The following CEP63 variants were observed in gnomAD, a reference collection of about 807,000 sequenced individuals.
CEP63 encodes the protein centrosomal protein of 63 kDa.
Under a neutral mutation model 89.1 loss-of-function variants are expected in CEP63, and 84 were observed. That is an observed-to-expected ratio of 0.94 (90% CI 0.79 to 1.13). The LOEUF (loss-of-function observed/expected upper bound fraction) is 1.13. Among genes scored for constraint, CEP63 ranks in the 50% most tolerant of loss-of-function variants. CEP63 has a pLI of 0.00. For missense variants in CEP63, 838 were observed against 813.3 expected, an observed-to-expected ratio of 1.03 and a Z score of -0.37; for synonymous variants, 267 against 272.5, an observed-to-expected ratio of 0.98 and a Z score of 0.20.
At chr3:134,507,368 G>T in intron 3 of CEP63, 82 bp downstream of exon 3, 1 of 1,078,392 alleles carries the variant, frequency 9.3e-7, no homozygotes, top group Non-Finnish European at 1.4e-6. Flanking sequence ...ATTTGTTGAA[G>T]AAAGAATTTG....
chr3:134,727,295 T>C, the CEP63 span, among the ~76,000 whole-genome samples: 1 of 152,154 alleles, frequency 6.6e-6, no homozygotes, highest in African/African-American at 2.4e-5. Context: ...TGAAGATGAA[T>C]TAAGATTTAA....
downstream of CEP63, among the ~76,000 whole-genome samples, chr3:134,587,948 T>C (rs576636079): frequency 6.6e-6 from 1 of 152,228 alleles, no homozygotes; most frequent in African/African-American, 2.4e-5. Context: ...AATGGACATA[T>C]GAAGAAGATT....
At chr3:134,497,232 ATTG>A (rs1940408624) in intron 2 of CEP63, among the ~76,000 whole-genome samples, 2 of 152,078 alleles carry the variant, frequency 1.3e-5, no homozygotes, top group East Asian at 1.9e-4. Context: ...CTTTGACTCT[ATTG>A]TTTCCTTTGC....
chr3:134,649,959 C>A, the CEP63 span, among the ~76,000 whole-genome samples: 1 of 152,214 alleles, frequency 6.6e-6, no homozygotes, highest in Non-Finnish European at 1.5e-5. Context: ...TCCTAAAGAA[C>A]TGGCCCGCAG....
At chr3:134,569,594 G>T (rs1957934107), downstream of CEP63, among the ~76,000 whole-genome samples, 1 of 152,314 alleles carries the variant, frequency 6.6e-6, no homozygotes, top group Admixed American at 6.5e-5. Context: ...CTGTGGCTTT[G>T]CATGGTACAG....
At chr3:134,555,396 C>T (rs1445511026) in intron 12 of CEP63, among the ~76,000 whole-genome samples, 1 of 151,626 alleles carries the variant, frequency 6.6e-6, no homozygotes, top group Non-Finnish European at 1.5e-5. Flanking sequence ...CCCAAAATCT[C>T]CTTAAGCTGA....
At chr3:134,575,134 TCATCCCTCCGTCCCTCCCTCCGTCCC>T, downstream of CEP63, 1 of 285,312 alleles carries the variant, frequency 3.5e-6, no homozygotes, top group African/African-American at 2.2e-5. Flanking sequence ...CTTCCTTCCT[TCATCCCTCCGTCCCTCCCTCCGTCCC>T]CCTTCCCCTC....
chr3:134,555,127 A>C (rs1359376279), intron 12 of CEP63, among the ~76,000 whole-genome samples: 4 of 151,334 alleles, frequency 2.6e-5, no homozygotes, highest in Non-Finnish European at 4.4e-5. Context: ...GTATTTCAAA[A>C]TAATAAGAGC....
intron 3 of CEP63, among the ~76,000 whole-genome samples, chr3:134,515,724 C>T (rs915431218): frequency 2.0e-5 from 3 of 152,100 alleles, no homozygotes; most frequent in African/African-American, 7.2e-5. Flanking sequence ...CAGGAGTTTC[C>T]AATCTTTTGG....
the CEP63 span, among the ~76,000 whole-genome samples, chr3:134,755,462 G>A: frequency 2.6e-5 from 4 of 152,194 alleles, no homozygotes; most frequent in Non-Finnish European, 4.4e-5. Flanking sequence ...GGGCACTTTG[G>A]CTCTAGGGTG....
chr3:134,518,369 G>A (rs576626136), intron 3 of CEP63, among the ~76,000 whole-genome samples: 55 of 152,258 alleles, frequency 3.6e-4, no homozygotes, highest in African/African-American at 1.2e-3. Context: ...ACATCCAAGT[G>A]AATATGGACC....
At chr3:134,771,135 G>A in the CEP63 span, among the ~76,000 whole-genome samples, 1 of 152,120 alleles carries the variant, frequency 6.6e-6, no homozygotes, top group Non-Finnish European at 1.5e-5. Context: ...TCAGTGCAGG[G>A]CAACTCAGAC....
chr3:134,567,720 G>A (rs915593359), downstream of CEP63, among the ~76,000 whole-genome samples: 4 of 152,220 alleles, frequency 2.6e-5, no homozygotes, highest in Non-Finnish European at 5.9e-5. Flanking sequence ...GCACACCGCA[G>A]GGGTTCCTGC....
chr3:134,632,969 G>T, the CEP63 span, among the ~76,000 whole-genome samples: 1 of 151,922 alleles, frequency 6.6e-6, no homozygotes, highest in African/African-American at 2.4e-5. Context: ...TAATAATAAA[G>T]GAATGCTACA....
chr3:134,606,900 TC>T, the CEP63 span: 1 of 984,858 alleles, frequency 1.0e-6, no homozygotes, highest in South Asian at 4.7e-5. Context: ...CCCTCTTCCT[TC>T]CCTTCCTTTC....
At chr3:134,488,788 A>G (rs1291682977) in intron 1 of CEP63, among the ~76,000 whole-genome samples, 1 of 152,306 alleles carries the variant, frequency 6.6e-6, no homozygotes, top group East Asian at 1.9e-4. Context: ...CAGTAGTTAG[A>G]TGTAGAATTG....
the CEP63 span, among the ~76,000 whole-genome samples, chr3:134,771,396 G>A: frequency 9.4e-4 from 143 of 152,300 alleles, no homozygotes; most frequent in African/African-American, 3.2e-3. Flanking sequence ...CTCATAAGTG[G>A]CAGTTGAACA....
In CEP63 at chr3:134,551,969, A is replaced by G; in HGVS notation, c.1424A>G (p.His475Arg). ...QLESLKLENR[H>R]LSEMVMKLEL... Reference sequence around the variant, plus strand: ...GAGTCACTCAAATTAGAAAATCGTCATCTTTCTGAAATGGTGATGAAATTG... The same window carrying G: ...GAGTCACTCAAATTAGAAAATCGTCGTCTTTCTGAAATGGTGATGAAATTG... The change falls in exon 12 of 15, where the codon CAT becomes CGT. Residue 475 changes from histidine (H) to arginine (R), a missense_variant. His to Arg is a conservative substitution (Grantham distance 29). Transcript: ENST00000675561. 2 of 1,609,446 alleles carry G rather than the reference A, an allele frequency of 1.2e-6. No homozygotes were observed. The highest frequency in any genetic ancestry group is 1.3e-5 in the African/African-American group (1 of 74,906).
the CEP63 span, among the ~76,000 whole-genome samples, chr3:134,699,436 C>A: frequency 6.6e-6 from 1 of 152,190 alleles, no homozygotes; most frequent in Non-Finnish European, 1.5e-5. Context: ...AACACACAAG[C>A]GGCTAGCCTT....
Sources: gnomAD v4.1 joint callset for allele counts (sites outside exome capture counted in the v4.1 genomes callset) on GRCh38, gnomAD v4.1.1 for gene constraint, MANE v1.5 for transcripts, NCBI Gene and HGNC (gene_info 2026-07-23, HGNC 2026-07-21) for gene names.